EPC2: variants seen among roughly 807,000 people sequenced by gnomAD.
The protein encoded by EPC2 is enhancer of polycomb 2, also known as enhancer of polycomb homolog 2.
Under a neutral mutation model 92.1 loss-of-function variants are expected in EPC2, and 14 were observed. The observed-to-expected ratio is 0.15, with a 90% CI of 0.10 to 0.24. The LOEUF is 0.24. Ranked by LOEUF, EPC2 falls within the 10% of genes least tolerant of loss-of-function variation. EPC2 has a pLI of 1.00. For missense variants in EPC2, 755 were observed against 971.5 expected (o/e 0.78, Z 2.96); for synonymous variants, 340 against 334.7 (o/e 1.02, Z -0.17).
chr2:148,762,870 A>T, intron 6 of EPC2, 68 bp downstream of exon 6: 1 of 1,487,608 alleles, frequency 6.7e-7, no homozygotes, highest in Non-Finnish European at 9.0e-7. Context: ...TGATTTCTGC[A>T]GTTGTCTTAA....
Position 148,743,736 on chromosome 2 carries a change from T to A in EPC2, c.428T>A (p.Ile143Asn). 1 of 1,602,218 alleles carries A rather than the reference T, an allele frequency of 6.2e-7. No individual in the cohort carries two copies. Among genetic ancestry groups the A allele is most frequent in the Non-Finnish European group, 8.5e-7 (1 of 1,175,458 alleles). The change falls in exon 3 of 14, where the codon ATT (isoleucine) becomes AAT (asparagine). Residue 143 changes from isoleucine (I) to asparagine (N), a missense_variant. Physicochemically the swap from Ile to Asn is moderately radical, Grantham distance 149. Coordinates refer to ENST00000258484, the MANE Select transcript of EPC2 (RefSeq NM_015630.4). ...AAGCCTTTGCAATTTGAAATTATGA[T>A]TGACAGACTTGAAAAAGCCAGTTCT... ...EIKPLQFEIM[I>N]DRLEKASSNQ... is the part of the protein sequence containing the mutation.
In EPC2 at chr2:148,769,203, G is replaced by T. The variant is rs769035545; in HGVS notation, c.1193G>T (p.Cys398Phe). The T allele has an allele frequency of 5.0e-6, 8 of 1,612,534 alleles. No homozygotes were observed. Among genetic ancestry groups the T allele is most frequent in the Non-Finnish European group, 8.5e-7 (1 of 1,179,350 alleles). The change falls in exon 8 of 14, where the codon TGT becomes TTT. Residue 398 changes from cysteine to phenylalanine, a missense_variant. By Grantham distance (205) the Cys-to-Phe change is radical (BLOSUM62 -2). Transcript: ENST00000258484. Reference sequence around the variant, plus strand: ...GAAGAAAATGATCCTGATGGTCCCTGTGCTTTCAGAAGGCGGGCAGGATGC... The same window carrying T: ...GAAGAAAATGATCCTGATGGTCCCTTTGCTTTCAGAAGGCGGGCAGGATGC... ...PEEENDPDGP[C>F]AFRRRAGCQY... is the part of the protein sequence containing the mutation.
At chr2:148,688,057 A>G (rs1195148451) in intron 1 of EPC2, among the ~76,000 whole-genome samples, 1 of 152,216 alleles carries the variant, frequency 6.6e-6, no homozygotes, top group Non-Finnish European at 1.5e-5. Context: ...AACATTTCAC[A>G]TACCCTAAAG....
intron 1 of EPC2, among the ~76,000 whole-genome samples, chr2:148,681,150 A>G (rs570852525): frequency 3.3e-5 from 5 of 152,360 alleles, no homozygotes; most frequent in African/African-American, 1.2e-4. Flanking sequence ...CCCACAGTCC[A>G]GTGGAAGAAG....
chr2:148,721,890 C>CTTTTTTTTTTTTT, intron 2 of EPC2, among the ~76,000 whole-genome samples: 5 of 60,770 alleles, frequency 8.2e-5, no homozygotes, highest in African/African-American at 1.3e-4. Context: ...GTTTTGATTT[C>CTTTTTTTTTTTTT]TTTTTTTTTT....
chr2:148,745,157 A>T (rs1316517054), intron 3 of EPC2, among the ~76,000 whole-genome samples: 2 of 152,088 alleles, frequency 1.3e-5, no homozygotes, highest in Non-Finnish European at 2.9e-5. Context: ...GATGTTCATT[A>T]TAATTGGTGA....
At chr2:148,761,443 A>G (rs939588666) in intron 4 of EPC2, among the ~76,000 whole-genome samples, 1 of 152,206 alleles carries the variant, frequency 6.6e-6, no homozygotes, top group Non-Finnish European at 1.5e-5. Flanking sequence ...CTGTCATTGG[A>G]AAATACTTTC....
chr2:148,715,660 G>A (rs1355932488), intron 2 of EPC2, among the ~76,000 whole-genome samples: 1 of 152,152 alleles, frequency 6.6e-6, no homozygotes, highest in African/African-American at 2.4e-5. Context: ...GTAGTATGAT[G>A]CCTTCATGTT....
chr2:148,747,193 C>T (rs1318627178), intron 3 of EPC2, among the ~76,000 whole-genome samples: 2 of 151,968 alleles, frequency 1.3e-5, no homozygotes, highest in Admixed American at 6.6e-5. Flanking sequence ...TTTCACTGCT[C>T]TCCACTTATC....
At chr2:148,646,727 A>AT (rs907666928) in intron 1 of EPC2, among the ~76,000 whole-genome samples, 4 of 152,042 alleles carry the variant, frequency 2.6e-5, no homozygotes, top group South Asian at 2.1e-4. Context: ...TATTTTTGCT[A>AT]TTTTGTGGGT....
At chr2:148,754,536 T>G (rs1683144562) in intron 4 of EPC2, among the ~76,000 whole-genome samples, 1 of 152,230 alleles carries the variant, frequency 6.6e-6, no homozygotes, top group Non-Finnish European at 1.5e-5. Flanking sequence ...GCTGATAACT[T>G]GAAATACTAC....
intron 2 of EPC2, among the ~76,000 whole-genome samples, chr2:148,697,394 G>A (rs1400655499): frequency 2.6e-5 from 4 of 151,966 alleles, no homozygotes; most frequent in Admixed American, 6.6e-5. Flanking sequence ...TAACTGTGAT[G>A]ATGCACTGTT....
intron 2 of EPC2, among the ~76,000 whole-genome samples, chr2:148,720,334 G>A (rs1374180620): frequency 1.3e-5 from 2 of 152,172 alleles, no homozygotes; most frequent in African/African-American, 4.8e-5. Flanking sequence ...AGATGGTGCT[G>A]GCCTCTCCCC....
intron 2 of EPC2, among the ~76,000 whole-genome samples, chr2:148,724,335 C>T (rs186874605): frequency 3.5e-4 from 53 of 151,810 alleles, no homozygotes; most frequent in Non-Finnish European, 6.5e-4. Context: ...TGTTAGTGAC[C>T]AGATCAGGAT....
intron 1 of EPC2, among the ~76,000 whole-genome samples, chr2:148,647,554 G>A (rs940965654): frequency 6.7e-6 from 1 of 149,390 alleles, no homozygotes; most frequent in Non-Finnish European, 1.5e-5. Context: ...GTGATCACCC[G>A]CCTCGGCCTC....
chr2:148,719,426 G>T (rs1682324204), intron 2 of EPC2, among the ~76,000 whole-genome samples: 1 of 152,098 alleles, frequency 6.6e-6, no homozygotes, highest in African/African-American at 2.4e-5. Flanking sequence ...GTATTTTGTG[G>T]TTTTTCTTTG....
rs755250339 is a variant in EPC2, at chr2:148,771,385, C to T, written c.1718C>T (p.Ser573Leu). Residue 573 changes from serine to leucine, a missense_variant and splice_region_variant, in exon 10 of 14, where the codon TCA becomes TTA. Coordinates refer to ENST00000258484, the MANE Select transcript of EPC2 (RefSeq NM_015630.4). ...ALLNTSKNGISVTGGITEEQF... is the reference protein window; with the variant it reads ...ALLNTSKNGILVTGGITEEQF... ...TTGAACACCAGCAAGAATGGCATAT[C>T]AGGTAAGCTGTTGCTGTGTTAAAAG... 1.9e-6 allele frequency: 3 copies of T among 1,588,630 alleles called. No individual in the cohort carries two copies. The highest frequency in any genetic ancestry group is 2.7e-5 in the African/African-American group (2 of 73,696).
chr2:148,694,660 C>T (rs1339764879), intron 2 of EPC2, among the ~76,000 whole-genome samples: 1 of 152,182 alleles, frequency 6.6e-6, no homozygotes, highest in Non-Finnish European at 1.5e-5. Flanking sequence ...TCAATAGTAT[C>T]TTTATTTGAT....
chr2:148,688,887 A>ATG (rs1415369112), intron 1 of EPC2, among the ~76,000 whole-genome samples: 45 of 152,224 alleles, frequency 3.0e-4, no homozygotes, highest in African/African-American at 9.4e-4. Flanking sequence ...GGGGCAGTAA[A>ATG]CAAATGAGAT....
Sources: allele counts gnomAD v4.1 joint callset (sites outside exome capture counted in the v4.1 genomes callset), GRCh38; gene constraint gnomAD v4.1.1; transcripts MANE v1.5; gene names NCBI Gene and HGNC (gene_info 2026-07-23, HGNC 2026-07-21).